The following SLC8A1 variants were observed in gnomAD, a reference collection of about 807,000 sequenced individuals.
SLC8A1 encodes solute carrier family 8 member A1, also known as sodium/calcium exchanger 1.
SLC8A1 carries 18 observed loss-of-function variants against 68.3 expected under a neutral mutation model. That is an observed-to-expected ratio of 0.26 (90% CI 0.18 to 0.39). The LOEUF is 0.39. Among genes scored for constraint, SLC8A1 ranks in the 10% least tolerant of loss-of-function variants. The probability of loss-of-function intolerance (pLI) is 1.00; values close to 1 mark genes in which losing one functional copy is unlikely to be tolerated. For synonymous variants in SLC8A1, 475 were observed against 415.5 expected, an observed-to-expected ratio of 1.14 and a Z score of -1.74; for missense variants, 985 against 1,156.7, an observed-to-expected ratio of 0.85 and a Z score of 2.15.
chr2:40,328,173 T>G (rs1314376879), intron 2 of SLC8A1, among the ~76,000 whole-genome samples: 1 of 152,020 alleles, frequency 6.6e-6, no homozygotes, highest in East Asian at 1.9e-4. Context: ...ATAAATAGAG[T>G]AAAAAGAAAA....
In SLC8A1 at chr2:40,203,916, A is replaced by G. The variant is rs187399826; in HGVS notation, c.1809-26061T>C. Among the ~76,000 whole-genome samples the G allele has an allele frequency of 2.9e-3, 448 of 152,004 alleles. 4 individuals carry two copies. The highest frequency in any genetic ancestry group is 0.01 in the African/African-American group (421 of 41,476). On this transcript the variant is annotated intron_variant, in intron 2 of 7. Coordinates refer to ENST00000406785, the Ensembl canonical transcript of SLC8A1. ...TTTTTTGTAGAGATGAGGTTTCACT[A>G]TGTTACTCAAGCTGGTCTCAAACTC... is the stretch of plus-strand genomic sequence containing the variant.
chr2:40,116,249 C>A (rs933670636), intron 7 of SLC8A1, among the ~76,000 whole-genome samples: 4 of 152,110 alleles, frequency 2.6e-5, no homozygotes, highest in African/African-American at 9.7e-5. Flanking sequence ...TTGCTTAGAG[C>A]CTTAAGAATA....
intron 2 of SLC8A1, among the ~76,000 whole-genome samples, chr2:40,323,107 TA>T (rs1436121007): frequency 6.6e-6 from 1 of 152,158 alleles, no homozygotes; most frequent in African/African-American, 2.4e-5. Context: ...GAAATATTCT[TA>T]TTTGTAAAGC....
intron 2 of SLC8A1, among the ~76,000 whole-genome samples, chr2:40,357,361 G>C (rs1352301229): frequency 6.6e-6 from 1 of 151,278 alleles, no homozygotes; most frequent in Non-Finnish European, 1.5e-5. Flanking sequence ...GCCAAATGTG[G>C]TGGTGGGTGC....
chr2:40,338,192 A>T (rs1011579057), intron 2 of SLC8A1, among the ~76,000 whole-genome samples: 2 of 152,124 alleles, frequency 1.3e-5, no homozygotes, highest in African/African-American at 4.8e-5. Flanking sequence ...AGCATCATGC[A>T]TCTTTTTCAG....
At chr2:40,476,319 C>G (rs1009233520) in intron 1 of SLC8A1, among the ~76,000 whole-genome samples, 2 of 152,038 alleles carry the variant, frequency 1.3e-5, no homozygotes, top group Non-Finnish European at 2.9e-5. Context: ...TTCTTCATAC[C>G]TGCTGGATAT....
chr2:40,212,582 C>T (rs1481838013), intron 2 of SLC8A1, among the ~76,000 whole-genome samples: 2 of 152,042 alleles, frequency 1.3e-5, no homozygotes, highest in Non-Finnish European at 2.9e-5. Context: ...CATGCCTGGC[C>T]GAGATGCAAT....
intron 2 of SLC8A1, among the ~76,000 whole-genome samples, chr2:40,408,399 A>C (rs1023476660): frequency 6.0e-5 from 9 of 151,016 alleles, no homozygotes; most frequent in African/African-American, 2.2e-4. Flanking sequence ...AGATTCACAC[A>C]AACAAAGGCC....
At chr2:40,372,789 C>T (rs757004637) in intron 2 of SLC8A1, among the ~76,000 whole-genome samples, 7 of 152,070 alleles carry the variant, frequency 4.6e-5, no homozygotes, top group Admixed American at 2.6e-4. Context: ...GCTTATACCA[C>T]GGTATTTTGT....
intron 1 of SLC8A1, among the ~76,000 whole-genome samples, chr2:40,480,226 T>C (rs907531376): frequency 1.4e-4 from 21 of 152,176 alleles, no homozygotes; most frequent in African/African-American, 4.6e-4. Context: ...GAACTACTTA[T>C]TGCATCAAAG....
At chr2:40,501,747 C>T (rs1316863322) in intron 1 of SLC8A1, among the ~76,000 whole-genome samples, 1 of 152,016 alleles carries the variant, frequency 6.6e-6, no homozygotes, top group Non-Finnish European at 1.5e-5. Context: ...GCCCCTTGCC[C>T]ACGTAGTAGG....
chr2:40,486,129 C>T (rs375110672), intron 1 of SLC8A1, among the ~76,000 whole-genome samples: 100 of 152,250 alleles, frequency 6.6e-4, no homozygotes, highest in South Asian at 5.0e-3. Context: ...GGCTTTCCCC[C>T]CTTTGCTCAG....
chr2:40,114,064 T>G (rs1400040197), exon 8 of SLC8A1: 2 of 152,788 alleles, frequency 1.3e-5, no homozygotes, highest in Non-Finnish European at 2.9e-5. Context: ...AACTCACTTA[T>G]GTCTTCAATG....
At chr2:40,423,170 G>C (rs887684044) in intron 2 of SLC8A1, among the ~76,000 whole-genome samples, 1 of 151,958 alleles carries the variant, frequency 6.6e-6, no homozygotes. Context: ...CATTAATTTT[G>C]ATAATGGTCC....
At chr2:40,422,747 A>G (rs1008831665) in intron 2 of SLC8A1, among the ~76,000 whole-genome samples, 1 of 152,172 alleles carries the variant, frequency 6.6e-6, no homozygotes, top group Non-Finnish European at 1.5e-5. Context: ...AAAATAAAGT[A>G]CTAACAATAT....
intron 2 of SLC8A1, among the ~76,000 whole-genome samples, chr2:40,319,815 T>G (rs960657809): frequency 6.6e-6 from 1 of 152,130 alleles, no homozygotes; most frequent in Non-Finnish European, 1.5e-5. Flanking sequence ...TTCTTCCACT[T>G]TCTTATCAAT....
At position 40,442,263 on chromosome 2, in the gene SLC8A1, CA is replaced by C. The variant is rs532163194; in HGVS notation, c.-25+9640del. ...AATCTTTTTACTAAAAGTGATAATT[CA>C]AAAAAAAAAGAAAAAAGAAAAAGAA... On this transcript the variant is annotated intron_variant, in intron 1 of 7. Transcript: ENST00000406785. Among the ~76,000 whole-genome samples, 116 of 137,568 alleles carry C rather than the reference CA, an allele frequency of 8.4e-4. 1 individual carries two copies. The South Asian group carries it at 0.014, about 17-fold the overall frequency. The allele number at this position is 137,568 out of a possible 152,430, so 90.2% of individuals were successfully genotyped here.
chr2:40,352,584 A>T (rs939285408), intron 2 of SLC8A1, among the ~76,000 whole-genome samples: 1 of 152,206 alleles, frequency 6.6e-6, no homozygotes, highest in African/African-American at 2.4e-5. Context: ...TTTGGTCTGT[A>T]AAACTCTGGA....
chr2:40,477,000 T>A (rs182928035), intron 1 of SLC8A1, among the ~76,000 whole-genome samples: 155 of 152,344 alleles, frequency 1.0e-3, no homozygotes, highest in African/African-American at 3.6e-3. Context: ...TTCTCTAATT[T>A]TTTTTGGGAG....
Sources: allele counts gnomAD v4.1 joint callset (sites outside exome capture counted in the v4.1 genomes callset), GRCh38; gene constraint gnomAD v4.1.1; transcripts MANE v1.5; gene names NCBI Gene and HGNC (gene_info 2026-07-23, HGNC 2026-07-21).